PCYT1B: variants seen among roughly 807,000 people sequenced by gnomAD.
PCYT1B encodes choline-phosphate cytidylyltransferase B.
PCYT1B carries 10 observed loss-of-function variants against 26.4 expected under a neutral mutation model. That is an observed-to-expected ratio of 0.38 (90% CI 0.23 to 0.64). The LOEUF (loss-of-function observed/expected upper bound fraction) is 0.64, where lower values mean the gene tolerates loss of function less well. Among genes scored for constraint, PCYT1B ranks in the 30% least tolerant of loss-of-function variants. The probability of loss-of-function intolerance (pLI) is 0.56; values close to 1 mark genes in which losing one functional copy is unlikely to be tolerated. For synonymous variants in PCYT1B, 131 were observed against 108.4 expected (o/e 1.21, Z -1.29); for missense variants, 161 against 292.7 (o/e 0.55, Z 3.28).
At chrX:24,605,136 CCTTCT>C (rs1427220563) in intron 3 of PCYT1B, among the ~76,000 whole-genome samples, 1 of 111,718 alleles carries the variant, frequency 9.0e-6, no homozygotes, top group Non-Finnish European at 1.9e-5. Context: ...AAATTTTTCT[CCTTCT>C]CTTCTGCTTT....
chrX:24,661,082 C>T (rs113550592), intron 1 of PCYT1B, among the ~76,000 whole-genome samples: 1,360 of 111,908 alleles, frequency 0.012, 21 homozygotes, highest in African/African-American at 0.042. Context: ...ATCAAAAAGA[C>T]TTTGGAGACT....
At chrX:24,597,292 T>A (rs112457544) in intron 3 of PCYT1B, among the ~76,000 whole-genome samples, 2 of 110,233 alleles carry the variant, frequency 1.8e-5, no homozygotes, top group Non-Finnish European at 3.8e-5. Flanking sequence ...GCTTGGCTAA[T>A]TTTTGTATTT....
chrX:24,618,427 G>A (rs754214660), intron 2 of PCYT1B, among the ~76,000 whole-genome samples: 1 of 111,650 alleles, frequency 9.0e-6, no homozygotes, highest in South Asian at 3.8e-4. Flanking sequence ...GCCCAAGGCT[G>A]TAGAACTAAC....
intron 1 of PCYT1B, among the ~76,000 whole-genome samples, chrX:24,645,409 G>T (rs886241980): frequency 1.8e-5 from 2 of 108,330 alleles, no homozygotes; most frequent in Non-Finnish European, 3.8e-5. Context: ...TATATATATT[G>T]GTCCAGTGCT....
At chrX:24,581,330 T>A (rs1924199271) in intron 5 of PCYT1B, among the ~76,000 whole-genome samples, 1 of 111,740 alleles carries the variant, frequency 8.9e-6, no homozygotes. Context: ...GCCCCCCTGC[T>A]ATACAACTGC....
chrX:24,573,133 T>TACACAC (rs768268080), intron 7 of PCYT1B, among the ~76,000 whole-genome samples: 962 of 93,217 alleles, frequency 0.01, 14 homozygotes, highest in African/African-American at 0.035. Context: ...TACACACACA[T>TACACAC]ACACACACAC....
intron 3 of PCYT1B, among the ~76,000 whole-genome samples, chrX:24,599,345 A>G (rs1451329572): frequency 1.8e-5 from 2 of 112,214 alleles, no homozygotes; most frequent in African/African-American, 6.5e-5. Flanking sequence ...AGAAGTTCAA[A>G]GAATTGAGTG....
At chrX:24,584,191 T>C (rs1924294814) in intron 5 of PCYT1B, among the ~76,000 whole-genome samples, 1 of 110,738 alleles carries the variant, frequency 9.0e-6, no homozygotes, top group East Asian at 2.8e-4. Context: ...TAGCTGGGCA[T>C]GGTGGTGTGT....
At chrX:24,584,634 G>A (rs1232359455) in intron 5 of PCYT1B, among the ~76,000 whole-genome samples, 3 of 112,497 alleles carry the variant, frequency 2.7e-5, no homozygotes, top group African/African-American at 9.7e-5. Flanking sequence ...CCCACAAGGA[G>A]TGTGAACCAA....
chrX:24,562,654 CTATGTA>C, intron 7 of PCYT1B, 149 bp from the exon 8 acceptor site: 1 of 484,556 alleles, frequency 2.1e-6, no homozygotes, highest in Non-Finnish European at 3.6e-6. Flanking sequence ...TTGTCCAAGA[CTATGTA>C]TAGTAAGGAA....
chrX:24,623,336 T>G (rs1157106368), intron 1 of PCYT1B, among the ~76,000 whole-genome samples: 1 of 100,914 alleles, frequency 9.9e-6, no homozygotes, highest in Non-Finnish European at 2.0e-5. Flanking sequence ...TATTCCAAAT[T>G]TGGGGTTTGG....
chrX:24,625,688 CA>C (rs1925862284), intron 1 of PCYT1B, among the ~76,000 whole-genome samples: 1 of 102,261 alleles, frequency 9.8e-6, no homozygotes, highest in Admixed American at 1.1e-4. Context: ...TTGTTGAATG[CA>C]AAAAGCAAGT....
At chrX:24,649,827 T>G (rs1926726978), upstream of PCYT1B, among the ~76,000 whole-genome samples, 1 of 112,376 alleles carries the variant, frequency 8.9e-6, no homozygotes, top group Non-Finnish European at 1.9e-5. Flanking sequence ...TCAGTGCTAC[T>G]TTGTGCTAAG....
At chrX:24,572,999 CAT>C (rs1265314133) in intron 7 of PCYT1B, among the ~76,000 whole-genome samples, 2 of 107,152 alleles carry the variant, frequency 1.9e-5, no homozygotes, top group Admixed American at 1.0e-4. Flanking sequence ...CAAACACACA[CAT>C]ATATACACAC....
chrX:24,641,661 C>T (rs1926468522), intron 1 of PCYT1B, among the ~76,000 whole-genome samples: 1 of 112,406 alleles, frequency 8.9e-6, no homozygotes. Flanking sequence ...GCACAATATA[C>T]ACATTGGATT....
intron 5 of PCYT1B, among the ~76,000 whole-genome samples, 160 bp from the exon 6 acceptor site, chrX:24,579,618 G>A (rs941983448): frequency 3.6e-5 from 4 of 110,707 alleles, no homozygotes; most frequent in East Asian, 2.8e-4. Flanking sequence ...CCTCAGTTCC[G>A]TGGAATTCCT....
chrX:24,634,056 C>T (rs1926194547), intron 1 of PCYT1B, among the ~76,000 whole-genome samples: 1 of 110,612 alleles, frequency 9.0e-6, no homozygotes, highest in Non-Finnish European at 1.9e-5. Context: ...CCTAGGACTA[C>T]AGGCACATAC....
At chrX:24,623,430 G>A (rs1435338350) in intron 1 of PCYT1B, among the ~76,000 whole-genome samples, 3 of 101,485 alleles carry the variant, frequency 3.0e-5, no homozygotes. Flanking sequence ...TGTGCACAAC[G>A]TGTTTAGCAG....
At chrX:24,562,725 T>C (rs1413218050) in intron 7 of PCYT1B, among the ~76,000 whole-genome samples, 2 of 81,697 alleles carry the variant, frequency 2.4e-5, no homozygotes, top group African/African-American at 8.3e-5. Flanking sequence ...TGGTTCTTTT[T>C]TTCTCTTTTT....
Sources: gnomAD v4.1 joint callset for allele counts (sites outside exome capture counted in the v4.1 genomes callset) on GRCh38, gnomAD v4.1.1 for gene constraint, MANE v1.5 for transcripts, NCBI Gene and HGNC (gene_info 2026-07-23, HGNC 2026-07-21) for gene names.